Variants in KMT2C observed in about 807,000 individuals in gnomAD.
KMT2C encodes the protein histone-lysine N-methyltransferase 2C.
A neutral mutation model predicts 507.9 loss-of-function variants in KMT2C; 88 were observed. The ratio of observed to expected loss-of-function variants is 0.17; its 90% confidence interval spans 0.15 to 0.21. KMT2C has a LOEUF of 0.21. Among genes scored for constraint, KMT2C ranks in the 10% least tolerant of loss-of-function variants. The pLI is 1.00. For missense variants in KMT2C, 4,954 were observed against 5,957.8 expected (o/e 0.83, Z 5.55); for synonymous variants, 2,049 against 2,080.8 (o/e 0.98, Z 0.42).
intron 6 of KMT2C, among the ~76,000 whole-genome samples, chr7:152,302,045 A>T (rs948961220): frequency 6.6e-6 from 1 of 151,930 alleles, no homozygotes. Flanking sequence ...CTACAAAAAG[A>T]ACAAAAATAT....
At position 152,174,117 on chromosome 7, in the gene KMT2C, GC is replaced by G; in HGVS notation, c.9374+13del. On this transcript the variant is annotated intron_variant, in intron 39 of 58. Coordinates refer to ENST00000262189, the MANE Select transcript of KMT2C (RefSeq NM_170606.3). ...TCTAGATGCCCAGTAGAAACAAGCA[GC>G]CACTCCACCTACCTGCTCATCACCA... 1 of 1,408,492 alleles carries G rather than the reference GC, an allele frequency of 7.1e-7. No individual in the cohort carries two copies. The highest frequency in any genetic ancestry group is 9.9e-7 in the Non-Finnish European group (1 of 1,014,740). The allele number at this position is 1,408,492 out of a possible 1,614,324, so 87.2% of individuals were successfully genotyped here. A position where few individuals can be genotyped will look rare whatever the true frequency, so the allele number is the denominator to read the frequency against.
rs1241294578 is a variant in KMT2C at position 152,220,506 on chromosome 7, A to T, written c.3712+17T>A. The stretch of plus-strand genomic sequence containing the variant: ...AATTCTTGCACACATATTTCATGGA[A>T]AATAAATTAGTATTACCTCGACTAT... On this transcript the variant is annotated intron_variant, in intron 23 of 58. Transcript: ENST00000262189. The T allele has an allele frequency of 6.4e-7, 1 of 1,556,928 alleles. No individual in the cohort carries two copies. The highest frequency in any genetic ancestry group is 1.1e-5 in the South Asian group (1 of 89,816).
intron 1 of KMT2C, among the ~76,000 whole-genome samples, chr7:152,371,234 C>T (rs1361104342): frequency 6.6e-6 from 1 of 152,008 alleles, no homozygotes; most frequent in Non-Finnish European, 1.5e-5. Context: ...AAAAGATATA[C>T]ATTATGAAAT....
chr7:152,423,574 T>C (rs1337417431), intron 1 of KMT2C, among the ~76,000 whole-genome samples: 1 of 152,218 alleles, frequency 6.6e-6, no homozygotes, highest in Admixed American at 6.5e-5. Flanking sequence ...AACCTAGAAA[T>C]GTCTGAGAAG....
intron 1 of KMT2C, among the ~76,000 whole-genome samples, chr7:152,426,963 T>A (rs1020861691): frequency 5.3e-5 from 8 of 152,188 alleles, no homozygotes; most frequent in Admixed American, 2.6e-4. Flanking sequence ...TTTCTTTTTT[T>A]AAATGCATAA....
In KMT2C at chr7:152,151,441, C is replaced by A; in HGVS notation, c.12666+1G>T. ...GGGTCATAAAAGGAGTAGCAAAGTA[C>A]CTTGTTCAAAAGGGTCAGATCTTTG... On this transcript the variant is annotated splice_donor_variant, in intron 50 of 58. Coordinates refer to ENST00000262189, the MANE Select transcript of KMT2C (RefSeq NM_170606.3). LOFTEE classifies it high-confidence loss of function. 6.2e-7 allele frequency: 1 copy of A among 1,613,864 alleles called. No individual in the cohort carries two copies. The highest frequency in any genetic ancestry group is 8.5e-7 in the Non-Finnish European group (1 of 1,179,878).
chr7:152,329,510 C>T (rs375110901), intron 3 of KMT2C, among the ~76,000 whole-genome samples: 32 of 151,582 alleles, frequency 2.1e-4, no homozygotes, highest in African/African-American at 7.7e-4. Context: ...GTTGAGCCTG[C>T]AGTGAGCTGT....
At chr7:152,388,153 GA>G (rs2116522201) in intron 1 of KMT2C, among the ~76,000 whole-genome samples, 1 of 151,834 alleles carries the variant, frequency 6.6e-6, no homozygotes, top group South Asian at 2.1e-4. Flanking sequence ...CTCTTATAAT[GA>G]ATATATAAAT....
At chr7:152,263,666 G>A (rs989155713) in intron 8 of KMT2C, among the ~76,000 whole-genome samples, 2 of 152,184 alleles carry the variant, frequency 1.3e-5, no homozygotes, top group African/African-American at 4.8e-5. Context: ...TAAAGGTAAT[G>A]CGGGTTCAAG....
intron 3 of KMT2C, 105 bp downstream of exon 3, chr7:152,330,496 C>T: frequency 8.9e-7 from 1 of 1,126,054 alleles, no homozygotes; most frequent in African/African-American, 1.5e-5. Context: ...TAAAATCCCA[C>T]CCAGATTTTC....
chr7:152,290,220 ATGTGTGTG>A lies in KMT2C; in HGVS notation c.850-16361_850-16354del, dbSNP rs71198772. Among the ~76,000 whole-genome samples the A allele has an allele frequency of 2.3e-3, 200 of 86,282 alleles. 4 individuals carry two copies. In the East Asian group the frequency reaches 0.04, roughly 17 times the overall value. The allele number at this position is 86,282 out of a possible 152,430, so 56.6% of individuals were successfully genotyped here. On this transcript the variant is annotated intron_variant, in intron 6 of 58. Coordinates refer to ENST00000262189, the MANE Select transcript of KMT2C (RefSeq NM_170606.3). Reference sequence around the variant, plus strand: ...GTAGTCTAATAAATTTTATATATATATGTGTGTGTGTGTGTGTGTGTGTGTGTGTGTGT... The same window carrying A: ...GTAGTCTAATAAATTTTATATATATATGTGTGTGTGTGTGTGTGTGTGTGT...
chr7:152,138,715 T>C lies in KMT2C; in HGVS notation c.14643+81A>G, dbSNP rs999678894. On this transcript the variant is annotated intron_variant, in intron 58 of 58. Coordinates refer to ENST00000262189, the MANE Select transcript of KMT2C (RefSeq NM_170606.3). The surrounding 1 kb of genome is among the most constrained non-coding windows in gnomAD (Gnocchi z 4.2). ...TCACAACAAAGAATTGGGAAACAAG[T>C]GAGTAAGTGACCTGTGTGAGGAGGG... 4.7e-6 allele frequency: 4 copies of C among 854,964 alleles called. No individual in the cohort carries two copies. The highest frequency in any genetic ancestry group is 5.6e-6 in the Non-Finnish European group (3 of 532,698). 53.0% of individuals were successfully genotyped at this position (854,964 alleles called of 1,614,324 possible). A position where few individuals can be genotyped will look rare whatever the true frequency, so the allele number is the denominator to read the frequency against.
At chr7:152,311,659 A>C in intron 5 of KMT2C, 139 bp downstream of exon 5, 1 of 629,850 alleles carries the variant, frequency 1.6e-6, no homozygotes, top group Non-Finnish European at 2.5e-6. Context: ...AACCAGGCAT[A>C]TTTAATAATG....
chr7:152,332,810 T>G (rs1019631753), intron 2 of KMT2C, among the ~76,000 whole-genome samples: 1 of 149,960 alleles, frequency 6.7e-6, no homozygotes, highest in African/African-American at 2.5e-5. Context: ...ATCATGCCAT[T>G]GCACTCCAGC....
intron 7 of KMT2C, among the ~76,000 whole-genome samples, chr7:152,271,649 G>C (rs1588766138): frequency 7.5e-6 from 1 of 133,004 alleles, no homozygotes; most frequent in Non-Finnish European, 1.5e-5. Context: ...ATTCCAGCCA[G>C]AGTGACAGTG....
At chr7:152,357,701 G>C (rs775465397) in intron 2 of KMT2C, among the ~76,000 whole-genome samples, 3 of 152,100 alleles carry the variant, frequency 2.0e-5, no homozygotes, top group African/African-American at 4.8e-5. Flanking sequence ...TTAGTATTCT[G>C]AGCTTCCAAG....
intron 34 of KMT2C, among the ~76,000 whole-genome samples, chr7:152,184,921 A>AT (rs1563305085): frequency 6.6e-6 from 1 of 151,976 alleles, no homozygotes; most frequent in Non-Finnish European, 1.5e-5. Context: ...TACCCAGCTA[A>AT]TTTTTTCATT....
chr7:152,410,034 A>C (rs2097664835), intron 1 of KMT2C, among the ~76,000 whole-genome samples: 2 of 152,278 alleles, frequency 1.3e-5, no homozygotes, highest in Non-Finnish European at 2.9e-5. Context: ...TTACTCTTAA[A>C]TCAACCAACT....
At chr7:152,319,212 A>G (rs2096749125) in intron 3 of KMT2C, among the ~76,000 whole-genome samples, 1 of 152,230 alleles carries the variant, frequency 6.6e-6, no homozygotes, top group African/African-American at 2.4e-5. Flanking sequence ...CTGTTCCAGT[A>G]TAACAAAATA....
Sources: allele counts gnomAD v4.1 joint callset (sites outside exome capture counted in the v4.1 genomes callset), GRCh38; gene constraint gnomAD v4.1.1; non-coding constraint Gnocchi (gnomAD v3.1); transcripts MANE v1.5; gene names NCBI Gene and HGNC (gene_info 2026-07-23, HGNC 2026-07-21).